PDE6B: variants seen among roughly 807,000 people sequenced by gnomAD.
PDE6B encodes rod cGMP-specific 3',5'-cyclic phosphodiesterase subunit beta.
In PDE6B, 106 loss-of-function variants were observed where a neutral mutation model predicts 109.0. That is an observed-to-expected ratio of 0.97 (90% CI 0.83 to 1.14). The LOEUF (loss-of-function observed/expected upper bound fraction) is 1.14. PDE6B is among the 50% of genes most tolerant of loss of function. The pLI is 0.00. For missense variants in PDE6B, 1,193 were observed against 1,155.6 expected (o/e 1.03, Z -0.47); for synonymous variants, 490 against 471.3 (o/e 1.04, Z -0.51).
At chr4:661,042 G>GGGTGGGCCATGGT (rs1466155707) in intron 12 of PDE6B, among the ~76,000 whole-genome samples, 5 of 152,196 alleles carry the variant, frequency 3.3e-5, no homozygotes, top group African/African-American at 4.8e-5. Flanking sequence ...ATGGATGGGT[G>GGGTGGGCCATGGT]AGTGGGCCAA....
chr4:649,720 C>G lies in PDE6B; in HGVS notation c.712-4132C>G, dbSNP rs546022577. On this transcript the variant is annotated intron_variant, in intron 3 of 21. Coordinates refer to ENST00000496514, the MANE Select transcript of PDE6B (RefSeq NM_000283.4). ...ACCGCGTAGGCCTGAGCGCTTGCCT[C>G]CCACCACAGCTATGGCCCAGGGCTC... 2.0e-5 allele frequency among the ~76,000 whole-genome samples: 3 copies of G among 152,270 alleles called. No homozygotes were observed. The East Asian group carries it at 5.8e-4, about 29-fold the overall frequency.
rs1406761248 is a variant in PDE6B at position 645,862 on chromosome 4, T to C, written c.712-7990T>C. The stretch of plus-strand genomic sequence containing the variant: ...CTAAGCCCTCTTCCAAATAGCATTA[T>C]ACTGCTTCACTTAGAGTGTGGCTAT... On this transcript the variant is annotated intron_variant, in intron 3 of 21. Coordinates refer to ENST00000496514, the MANE Select transcript of PDE6B (RefSeq NM_000283.4). Among the ~76,000 whole-genome samples, 4 of 152,192 alleles carry C rather than the reference T, an allele frequency of 2.6e-5. No homozygotes were observed. In the East Asian group the frequency reaches 5.8e-4, roughly 22 times the overall value.
At chr4:635,130 C>T (rs1272143950) in intron 2 of PDE6B, among the ~76,000 whole-genome samples, 2 of 115,542 alleles carry the variant, frequency 1.7e-5, no homozygotes, top group Non-Finnish European at 1.8e-5. Context: ...TTCTGTGCTG[C>T]GTGTCTGCCT....
At chr4:658,014 G>A (rs544102346) in intron 10 of PDE6B, among the ~76,000 whole-genome samples, 5 of 146,014 alleles carry the variant, frequency 3.4e-5, no homozygotes, top group East Asian at 2.1e-4. Context: ...ATGGCTGTGC[G>A]GTGGGGGCAG....
chr4:656,112 C>A (rs1026829990), intron 7 of PDE6B, 106 bp downstream of exon 7: 8 of 1,015,764 alleles, frequency 7.9e-6, no homozygotes, highest in Admixed American at 3.4e-5. Flanking sequence ...GCCAGCTCCA[C>A]GTGCCTCAGT....
At chr4:660,334 C>T (rs1577292200) in intron 11 of PDE6B, 133 bp from the exon 12 acceptor site, 3 of 914,766 alleles carry the variant, frequency 3.3e-6, no homozygotes, top group Admixed American at 1.8e-5. Flanking sequence ...GCTGGAGCGC[C>T]AGGAATGACA....
chr4:644,525 G>A (rs553783928), intron 3 of PDE6B, among the ~76,000 whole-genome samples: 1 of 151,400 alleles, frequency 6.6e-6, no homozygotes, highest in Non-Finnish European at 1.5e-5. Context: ...CAGTGTTTTT[G>A]TTTTTTTTAT....
Position 653,854 on chromosome 4 carries a change from G to A in PDE6B, c.714G>A (p.Val238=). ...CACAGGTGTGCCCCTCCCTCCAGGT[G>A]CTGCTGTGGTCGGCCAACAAGGTGT... ...LHNCETRRGQ[V]LLWSANKVFE... is the part of the protein sequence containing the mutation. Residue 238 remains valine (V), a splice_region_variant and synonymous_variant, in exon 4 of 22, where the codon GTG becomes GTA. Coordinates refer to ENST00000496514, the MANE Select transcript of PDE6B (RefSeq NM_000283.4). The A allele has an allele frequency of 6.2e-7, 1 of 1,613,620 alleles. No individual in the cohort carries two copies. The highest frequency in any genetic ancestry group is 1.1e-5 in the South Asian group (1 of 91,084).
intron 2 of PDE6B, among the ~76,000 whole-genome samples, chr4:635,560 C>T (rs926327113): frequency 1.3e-5 from 2 of 151,320 alleles, no homozygotes; most frequent in African/African-American, 4.9e-5. Flanking sequence ...TTCTGTGCCA[C>T]GCGTCTGCCT....
chr4:637,652 G>A (rs985380717), intron 3 of PDE6B, among the ~76,000 whole-genome samples: 1 of 152,230 alleles, frequency 6.6e-6, no homozygotes. Context: ...CCTGGGGGCC[G>A]GCTGTGCTTG....
At chr4:657,730 C>A (rs1219167025) in intron 10 of PDE6B, among the ~76,000 whole-genome samples, 1 of 89,532 alleles carries the variant, frequency 1.1e-5, no homozygotes. Flanking sequence ...AGCTGTGCGG[C>A]GGGGGCAGGG....
rs948737055 is a variant in PDE6B at position 633,837 on chromosome 4, T to C, written c.469-840T>C. 5.3e-5 allele frequency among the ~76,000 whole-genome samples: 8 copies of C among 152,078 alleles called. No individual in the cohort carries two copies. Among genetic ancestry groups the C allele is most frequent in the African/African-American group, 1.7e-4 (7 of 41,412 alleles). On this transcript the variant is annotated intron_variant, in intron 1 of 21. Coordinates refer to ENST00000496514, the MANE Select transcript of PDE6B (RefSeq NM_000283.4). The surrounding 1 kb of genome is among the most constrained non-coding windows in gnomAD (Gnocchi z 4.5). ...GAGGGTCTGGGGTCACATCCAACTC[T>C]CTGAAGGACAGAATCCCAGTCACCG...
At position 657,445 on chromosome 4, in the gene PDE6B, T is replaced by C. The variant is rs1736419494; in HGVS notation, c.1352T>C (p.Met451Thr). The change falls in exon 10 of 22, where the codon ATG becomes ACG. Residue 451 changes from methionine (M) to threonine (T), a missense_variant. Physicochemically the swap from Met to Thr is moderately conservative, Grantham distance 81. Coordinates refer to ENST00000496514, the MANE Select transcript of PDE6B (RefSeq NM_000283.4). ...AACCGCAAGGACATCGCACAGGACA[T>C]GGTCCTTTACCACGTGAAGTGCGAC... ...LENRKDIAQD[M>T]VLYHVKCDRD... 4.3e-6 allele frequency: 7 copies of C among 1,613,358 alleles called. No homozygotes were observed. The highest frequency in any genetic ancestry group is 5.9e-6 in the Non-Finnish European group (7 of 1,179,864).
intron 3 of PDE6B, among the ~76,000 whole-genome samples, chr4:644,593 G>A (rs555581821): frequency 7.2e-5 from 11 of 151,904 alleles, no homozygotes; most frequent in Non-Finnish European, 1.2e-4. Context: ...GCAGTGGTGT[G>A]ATCTCAGCTC....
chr4:628,642 G>C (rs549552748), intron 1 of PDE6B, among the ~76,000 whole-genome samples: 14 of 152,350 alleles, frequency 9.2e-5, no homozygotes, highest in Non-Finnish European at 1.5e-4. Context: ...TGGAGCTGAG[G>C]GTGCCAGCCC....
chr4:654,473 GT>G, intron 5 of PDE6B: 1 of 594,652 alleles, frequency 1.7e-6, no homozygotes, highest in Non-Finnish European at 3.0e-6. Context: ...GTGTGTGTGT[GT>G]GTGTGTGAGA....
chr4:630,782 C>G (rs1034071726), intron 1 of PDE6B, among the ~76,000 whole-genome samples: 6 of 152,226 alleles, frequency 3.9e-5, no homozygotes, highest in African/African-American at 1.4e-4. Flanking sequence ...CTGTTCCTCT[C>G]GGTCCTAAGG....
intron 6 of PDE6B, chr4:655,709 A>G (rs894423392): frequency 3.2e-6 from 2 of 625,490 alleles, no homozygotes; most frequent in Admixed American, 4.6e-5. Flanking sequence ...AGACCCCTGC[A>G]CACACGCCCA....
intron 11 of PDE6B, among the ~76,000 whole-genome samples, chr4:659,999 G>C (rs1736872809): frequency 1.3e-5 from 2 of 152,154 alleles, no homozygotes; most frequent in African/African-American, 4.8e-5. Flanking sequence ...CCTCATGGCT[G>C]TGTGTGTGAG....
Sources: allele counts gnomAD v4.1 joint callset (sites outside exome capture counted in the v4.1 genomes callset), GRCh38; gene constraint gnomAD v4.1.1; non-coding constraint Gnocchi (gnomAD v3.1); transcripts MANE v1.5; gene names NCBI Gene and HGNC (gene_info 2026-07-23, HGNC 2026-07-21).